Variants in XPO1 observed in about 807,000 individuals in gnomAD.
The protein encoded by XPO1 is exportin 1.
A neutral mutation model predicts 133.3 loss-of-function variants in XPO1; 5 were observed. That is an observed-to-expected ratio of 0.04 (90% CI 0.02 to 0.08). The LOEUF (loss-of-function observed/expected upper bound fraction) is 0.08, where lower values mean the gene tolerates loss of function less well. XPO1 is among the 10% of genes least tolerant of loss of function. XPO1 has a pLI of 1.00. For synonymous variants in XPO1, 419 were observed against 408.2 expected (o/e 1.03, Z -0.32); for missense variants, 506 against 1,267.5 (o/e 0.40, Z 9.12).
chr2:61,507,736 A>C (rs564484025), intron 4 of XPO1, among the ~76,000 whole-genome samples: 1 of 152,024 alleles, frequency 6.6e-6, no homozygotes, highest in African/African-American at 2.4e-5. Flanking sequence ...AAATTAGCTC[A>C]GCATGGTGGC....
chr2:61,533,980 T>C, intron 1 of XPO1, 77 bp from the exon 2 acceptor site: 1 of 1,268,136 alleles, frequency 7.9e-7, no homozygotes, highest in Non-Finnish European at 1.0e-6. Flanking sequence ...GTTATTTTAC[T>C]TCAACCATGT....
At chr2:61,496,125 A>G (rs1477609532) in intron 10 of XPO1, among the ~76,000 whole-genome samples, 2 of 152,182 alleles carry the variant, frequency 1.3e-5, no homozygotes, top group Non-Finnish European at 2.9e-5. Flanking sequence ...CAGCCTTTAA[A>G]TTTTTCTAGT....
At chr2:61,504,327 G>A (rs573607132) in intron 4 of XPO1, among the ~76,000 whole-genome samples, 2 of 152,238 alleles carry the variant, frequency 1.3e-5, no homozygotes, top group South Asian at 4.1e-4. Flanking sequence ...AAATCACAGG[G>A]TTCAAGAGTG....
intron 22 of XPO1, 178 bp downstream of exon 22, chr2:61,482,779 G>C: frequency 2.5e-6 from 2 of 808,498 alleles, no homozygotes; most frequent in South Asian, 1.9e-5. Context: ...TATTTTTATT[G>C]TATCTTTTAT....
chr2:61,491,166 A>C (rs1174738304), intron 16 of XPO1, among the ~76,000 whole-genome samples: 1 of 151,376 alleles, frequency 6.6e-6, no homozygotes, highest in African/African-American at 2.4e-5. Context: ...AAACAAACAA[A>C]CAACCCAAAC....
At chr2:61,518,443 C>A (rs1414660660) in intron 4 of XPO1, among the ~76,000 whole-genome samples, 1 of 146,934 alleles carries the variant, frequency 6.8e-6, no homozygotes, top group African/African-American at 2.7e-5. Flanking sequence ...CACACACACA[C>A]ACACACACAC....
chr2:61,524,764 G>T (rs993756751), intron 3 of XPO1, among the ~76,000 whole-genome samples: 4 of 152,078 alleles, frequency 2.6e-5, no homozygotes, highest in Non-Finnish European at 5.9e-5. Flanking sequence ...AAAAAAATTG[G>T]TAAGTTAGCG....
At chr2:61,510,334 A>G (rs751579854) in intron 4 of XPO1, among the ~76,000 whole-genome samples, 6 of 152,214 alleles carry the variant, frequency 3.9e-5, no homozygotes, top group Non-Finnish European at 7.3e-5. Flanking sequence ...TCAATAAAAT[A>G]GTGATCTGCT....
Position 61,498,992 on chromosome 2 carries a change from A to G in XPO1, c.591-79T>C, listed in dbSNP as rs1442433341. On this transcript the variant is annotated intron_variant, in intron 7 of 24. Transcript: ENST00000401558. Reference sequence around the variant, plus strand: ...TCAGTTATCTATAATACTAATAAAAATGATTAAAGCCCAGTACAGTGGCTC... The same window carrying G: ...TCAGTTATCTATAATACTAATAAAAGTGATTAAAGCCCAGTACAGTGGCTC... 3.5e-6 allele frequency: 5 copies of G among 1,443,534 alleles called. No homozygotes were observed. The Admixed American group carries it at 7.7e-5, about 22-fold the overall frequency. 89.4% of individuals were successfully genotyped at this position (1,443,534 alleles called of 1,614,324 possible). A position where few individuals can be genotyped will look rare whatever the true frequency, so the allele number is the denominator to read the frequency against.
At chr2:61,505,536 T>C (rs1403171387) in intron 4 of XPO1, among the ~76,000 whole-genome samples, 2 of 151,922 alleles carry the variant, frequency 1.3e-5, no homozygotes, top group Non-Finnish European at 2.9e-5. Context: ...GGACTACAAG[T>C]AGATGCCACT....
intron 4 of XPO1, among the ~76,000 whole-genome samples, chr2:61,514,691 G>A (rs1457720110): frequency 6.6e-6 from 1 of 151,682 alleles, no homozygotes; most frequent in East Asian, 1.9e-4. Flanking sequence ...TATACCAAAT[G>A]TCAGCCGAGA....
chr2:61,482,856 C>T (rs903168975), intron 22 of XPO1, 101 bp downstream of exon 22: 25 of 1,433,804 alleles, frequency 1.7e-5, no homozygotes, highest in Non-Finnish European at 2.4e-5. Context: ...AACTCCTGAC[C>T]TCATAATCTC....
At chr2:61,503,889 T>A (rs1697668785) in intron 4 of XPO1, among the ~76,000 whole-genome samples, 1 of 152,068 alleles carries the variant, frequency 6.6e-6, no homozygotes, top group African/African-American at 2.4e-5. Context: ...CCATAAAAAT[T>A]TATTGATGGC....
In XPO1 at chr2:61,504,304, G is replaced by A. The variant is rs115489159; in HGVS notation, c.302-1994C>T. 2.6e-3 allele frequency among the ~76,000 whole-genome samples: 390 copies of A among 152,174 alleles called. 2 individuals carry two copies. Among genetic ancestry groups the A allele is most frequent in the African/African-American group, 9.1e-3 (378 of 41,514 alleles). On this transcript the variant is annotated intron_variant, in intron 4 of 24. Coordinates refer to ENST00000401558, the MANE Select transcript of XPO1 (RefSeq NM_003400.4). ...AGAATTTGCTGAGCATCTACTATAG[G>A]TTCCATTCTCCAAAATCACAGGGTT...
chr2:61,524,349 CTTTT>C (rs927463198), intron 3 of XPO1, among the ~76,000 whole-genome samples: 5 of 152,112 alleles, frequency 3.3e-5, no homozygotes, highest in Admixed American at 6.6e-5. Context: ...ACTGTCCTTT[CTTTT>C]TTATTTACTT....
At chr2:61,506,717 T>TAAA (rs1450645292) in intron 4 of XPO1, among the ~76,000 whole-genome samples, 3 of 145,476 alleles carry the variant, frequency 2.1e-5, no homozygotes, top group South Asian at 2.3e-4. Context: ...AAATAAATAA[T>TAAA]TAGCAATGAT....
intron 5 of XPO1, 50 bp downstream of exon 5, chr2:61,502,199 T>TA: frequency 6.3e-7 from 1 of 1,590,518 alleles, no homozygotes; most frequent in Non-Finnish European, 8.6e-7. Flanking sequence ...TCAGACTCAA[T>TA]ATCTAAATGA....
chr2:61,518,541 C>A (rs936692271), intron 4 of XPO1, among the ~76,000 whole-genome samples: 1 of 150,862 alleles, frequency 6.6e-6, no homozygotes, highest in Non-Finnish European at 1.5e-5. Context: ...GGTGTGAAAC[C>A]GGGAGGCAGA....
intron 2 of XPO1, among the ~76,000 whole-genome samples, 165 bp from the exon 3 acceptor site, chr2:61,526,686 TTA>T (rs1386993928): frequency 3.3e-5 from 5 of 150,822 alleles, no homozygotes; most frequent in Admixed American, 1.3e-4. Context: ...AGAAATAAAA[TTA>T]TATAAATATG....
Sources: allele counts gnomAD v4.1 joint callset (sites outside exome capture counted in the v4.1 genomes callset), GRCh38; gene constraint gnomAD v4.1.1; transcripts MANE v1.5; gene names NCBI Gene and HGNC (gene_info 2026-07-23, HGNC 2026-07-21).